CNTN6: variants seen among roughly 807,000 people sequenced by gnomAD.
CNTN6 encodes the protein contactin 6, also known as contactin-6.
In CNTN6, 137 loss-of-function variants were observed where a neutral mutation model predicts 122.8. The ratio of observed to expected loss-of-function variants is 1.12; its 90% CI spans 0.97 to 1.29. CNTN6 has a LOEUF of 1.29. Among genes scored for constraint, CNTN6 ranks in the 50% most tolerant of loss-of-function variants. CNTN6 has a pLI of 0.00. For synonymous variants in CNTN6, 570 were observed against 426.0 expected, an observed-to-expected ratio of 1.34 and a Z score of -4.16; for missense variants, 1,634 against 1,223.4, an observed-to-expected ratio of 1.34 and a Z score of -5.01.
intron 4 of CNTN6, among the ~76,000 whole-genome samples, chr3:1,235,296 T>C (rs6779287): frequency 0.13 from 20,473 of 152,130 alleles, 2,202 homozygotes; most frequent in African/African-American, 0.29. Context: ...CTGAAATGCT[T>C]GTTTATTACT....
intron 1 of CNTN6, among the ~76,000 whole-genome samples, chr3:1,147,251 G>T (rs957915331): frequency 2.1e-4 from 32 of 151,806 alleles, no homozygotes; most frequent in African/African-American, 7.5e-4. Context: ...TAGAAAAGCT[G>T]CAAAATTATA....
At chr3:1,367,595 T>G (rs1575892117) in intron 12 of CNTN6, among the ~76,000 whole-genome samples, 1 of 152,042 alleles carries the variant, frequency 6.6e-6, no homozygotes, top group Non-Finnish European at 1.5e-5. Context: ...GTGCATGAGC[T>G]GCTGCTGCTG....
At chr3:1,158,929 TATAC>T (rs1317998637) in intron 2 of CNTN6, among the ~76,000 whole-genome samples, 4 of 106,430 alleles carry the variant, frequency 3.8e-5, no homozygotes, top group African/African-American at 1.7e-4. Context: ...CATATATATA[TATAC>T]ACACACACAT....
chr3:1,232,302 A>G (rs1048898552), intron 4 of CNTN6, among the ~76,000 whole-genome samples: 9 of 152,140 alleles, frequency 5.9e-5, no homozygotes, highest in Non-Finnish European at 7.4e-5. Flanking sequence ...GAGCCTCCTA[A>G]TTGACCCTTC....
chr3:1,144,906 C>A (rs549844317), intron 1 of CNTN6, among the ~76,000 whole-genome samples: 2 of 152,166 alleles, frequency 1.3e-5, no homozygotes, highest in South Asian at 2.1e-4. Flanking sequence ...AGGTAGCTTG[C>A]GAATGGAAAA....
intron 1 of CNTN6, among the ~76,000 whole-genome samples, chr3:1,099,402 G>A (rs1307596022): frequency 1.3e-5 from 2 of 152,136 alleles, no homozygotes. Context: ...AGTGAGCCGA[G>A]ATTGAGCCAT....
At chr3:1,193,729 T>C (rs542996899) in intron 2 of CNTN6, among the ~76,000 whole-genome samples, 5 of 152,230 alleles carry the variant, frequency 3.3e-5, no homozygotes, top group South Asian at 4.1e-4. Context: ...AGTGCTCCAT[T>C]TGTTCAACCT....
In CNTN6 at chr3:1,403,716, A is replaced by G. The variant is rs144183780; in HGVS notation, c.*298A>G. ...TGGAGAAAATAAATAACTCCCCTCA[A>G]TGATGCTGATGATGAATACAAACTT... is the stretch of plus-strand genomic sequence containing the variant. On this transcript the variant is annotated 3_prime_UTR_variant, in exon 23 of 23. Coordinates refer to ENST00000446702, the MANE Select transcript of CNTN6 (RefSeq NM_001289080.2). 3.1e-3 allele frequency: 562 copies of G among 180,062 alleles called. 5 individuals are homozygous for G. Among genetic ancestry groups the G allele is most frequent in the African/African-American group, 0.012 (532 of 42,574 alleles). 11.2% of individuals were successfully genotyped at this position (180,062 alleles called of 1,614,324 possible). A position where few individuals can be genotyped will look rare whatever the true frequency, so the allele number is the denominator to read the frequency against.
At chr3:1,348,563 T>A (rs1705122704) in intron 11 of CNTN6, among the ~76,000 whole-genome samples, 1 of 151,882 alleles carries the variant, frequency 6.6e-6, no homozygotes, top group Non-Finnish European at 1.5e-5. Context: ...AAGGTCATTC[T>A]ATGCAAATAA....
At chr3:1,258,299 T>C (rs1019882027) in intron 4 of CNTN6, among the ~76,000 whole-genome samples, 1 of 152,138 alleles carries the variant, frequency 6.6e-6, no homozygotes, top group Non-Finnish European at 1.5e-5. Context: ...AATTATTGAA[T>C]GCAATATCCA....
At chr3:1,315,713 A>G (rs1001777461) in intron 7 of CNTN6, among the ~76,000 whole-genome samples, 2 of 151,930 alleles carry the variant, frequency 1.3e-5, no homozygotes, top group Non-Finnish European at 2.9e-5. Context: ...ATGATTAACC[A>G]CGTTAAAGAA....
At chr3:1,266,345 G>T (rs890112564) in intron 4 of CNTN6, among the ~76,000 whole-genome samples, 1 of 152,024 alleles carries the variant, frequency 6.6e-6, no homozygotes, top group Non-Finnish European at 1.5e-5. Flanking sequence ...AAAATTCAAC[G>T]GAAAAATGTC....
intron 5 of CNTN6, among the ~76,000 whole-genome samples, chr3:1,292,955 A>C (rs1695575869): frequency 6.6e-6 from 1 of 150,502 alleles, no homozygotes; most frequent in South Asian, 2.1e-4. Context: ...TTTACCTAAC[A>C]ATGCTGCTTA....
chr3:1,206,063 C>T (rs1218624623), intron 2 of CNTN6, among the ~76,000 whole-genome samples: 1 of 152,112 alleles, frequency 6.6e-6, no homozygotes, highest in Non-Finnish European at 1.5e-5. Context: ...CAGGGTTAAT[C>T]TTATAATCTG....
rs371282337 is a variant in CNTN6 at position 1,268,241 on chromosome 3, T to G, written c.359-10172T>G. Reference sequence around the variant, plus strand: ...GCTGCCTCCAGCTGGGCTGTGTAGCTTCCTAGGCAGTGAGGGTCACTAACC... The same window carrying G: ...GCTGCCTCCAGCTGGGCTGTGTAGCGTCCTAGGCAGTGAGGGTCACTAACC... On this transcript the variant is annotated intron_variant, in intron 4 of 22. Transcript: ENST00000446702. Among the ~76,000 whole-genome samples the G allele has an allele frequency of 2.1e-3, 318 of 152,266 alleles. 1 individual carries two copies. The highest frequency in any genetic ancestry group is 7.1e-3 in the African/African-American group (297 of 41,542).
intron 5 of CNTN6, among the ~76,000 whole-genome samples, chr3:1,279,291 A>C (rs1204119962): frequency 6.6e-6 from 1 of 152,198 alleles, no homozygotes; most frequent in East Asian, 1.9e-4. Flanking sequence ...ATGATGTGGT[A>C]AATTTAGTCG....
In CNTN6 at chr3:1,393,452, A is replaced by G. The variant is rs544702987; in HGVS notation, c.2704+7655A>G. ...GGGATAGCATTGGGAGATATACCTAATGCTAGATGACGAGTTAGTGGGTGC... is the reference window on the plus strand; with the variant it reads ...GGGATAGCATTGGGAGATATACCTAGTGCTAGATGACGAGTTAGTGGGTGC... On this transcript the variant is annotated intron_variant, in intron 20 of 22. Transcript: ENST00000446702. Among the ~76,000 whole-genome samples the G allele has an allele frequency of 4.2e-5, 6 of 144,156 alleles. No homozygotes were observed. In the South Asian group the frequency reaches 1.5e-3, roughly 35 times the overall value. 94.6% of individuals were successfully genotyped at this position (144,156 alleles called of 152,430 possible). A position where few individuals can be genotyped will look rare whatever the true frequency, so the allele number is the denominator to read the frequency against.
intron 4 of CNTN6, among the ~76,000 whole-genome samples, chr3:1,245,415 T>A (rs147989525): frequency 7.1e-6 from 1 of 139,982 alleles, no homozygotes; most frequent in Non-Finnish European, 1.5e-5. Flanking sequence ...GAGACTATTA[T>A]TGTAAGTGAA....
intron 2 of CNTN6, among the ~76,000 whole-genome samples, chr3:1,175,939 A>G (rs1380950168): frequency 3.3e-5 from 5 of 152,212 alleles, no homozygotes; most frequent in Admixed American, 6.5e-5. Flanking sequence ...AACCTCAGCA[A>G]TTGGTTCACT....
Sources: gnomAD v4.1 joint callset for allele counts (sites outside exome capture counted in the v4.1 genomes callset) on GRCh38, gnomAD v4.1.1 for gene constraint, MANE v1.5 for transcripts, NCBI Gene and HGNC (gene_info 2026-07-23, HGNC 2026-07-21) for gene names.